The following ATP8A2 variants were observed in gnomAD, a reference collection of about 807,000 sequenced individuals.
ATP8A2 encodes ATPase phospholipid transporting 8A2.
In ATP8A2, 100 loss-of-function variants were observed where a neutral mutation model predicts 165.6. That is an observed-to-expected ratio of 0.60 (90% CI 0.51 to 0.71). The LOEUF is 0.71. ATP8A2 is among the 30% of genes least tolerant of loss of function. The pLI, the probability that ATP8A2 is intolerant of heterozygous loss-of-function variation, is 0.00. For synonymous variants in ATP8A2, 543 were observed against 548.8 expected (o/e 0.99, Z 0.15); for missense variants, 1,227 against 1,479.5 (o/e 0.83, Z 2.80).
At chr13:25,593,322 C>T (rs544067473) in intron 24 of ATP8A2, among the ~76,000 whole-genome samples, 1 of 151,946 alleles carries the variant, frequency 6.6e-6, no homozygotes, top group Non-Finnish European at 1.5e-5. Context: ...TGAGGGGATC[C>T]ACACCTGGCC....
At chr13:25,729,327 C>A (rs543270016) in intron 25 of ATP8A2, among the ~76,000 whole-genome samples, 14 of 152,316 alleles carry the variant, frequency 9.2e-5, no homozygotes, top group African/African-American at 3.4e-4. Context: ...CTCTGTCTCG[C>A]AGAGAACTAG....
intron 10 of ATP8A2, among the ~76,000 whole-genome samples, chr13:25,550,338 C>T (rs1439498872): frequency 1.3e-5 from 2 of 151,976 alleles, no homozygotes; most frequent in African/African-American, 4.8e-5. Flanking sequence ...CTCGCAGTGC[C>T]CCACAAGTAG....
Position 25,847,852 on chromosome 13 carries a change from C to G in ATP8A2, c.2956+8228C>G, listed in dbSNP as rs148304502. 3.9e-5 allele frequency among the ~76,000 whole-genome samples: 6 copies of G among 152,202 alleles called. No individual in the cohort carries two copies. The East Asian group carries it at 1.2e-3, about 30-fold the overall frequency. ...GACATACAAATCAACCAAGCCCGAG[C>G]CCACACCCCCAGCCACCTCCTTTAT... On this transcript the variant is annotated intron_variant, in intron 30 of 36. Transcript: ENST00000381655.
intron 10 of ATP8A2, among the ~76,000 whole-genome samples, chr13:25,546,071 T>A (rs9553628): frequency 0.019 from 505 of 26,448 alleles, 6 homozygotes; most frequent in Admixed American, 0.079. Flanking sequence ...TACACTGGGT[T>A]TTTTTTTTAA....
chr13:25,431,021 C>T lies in ATP8A2; in HGVS notation c.77-37956C>T, dbSNP rs564903792. On this transcript the variant is annotated intron_variant, in intron 1 of 36. Transcript: ENST00000381655. ...ACACACACACACACACATATATATA[C>T]ACACACACACACACATAATGGGTGT... Among the ~76,000 whole-genome samples, 102 of 146,976 alleles carry T rather than the reference C, an allele frequency of 6.9e-4. 1 individual carries two copies. Among genetic ancestry groups the T allele is most frequent in the African/African-American group, 8.3e-4 (32 of 38,534 alleles).
chr13:25,401,960 G>A (rs148390615), intron 1 of ATP8A2, among the ~76,000 whole-genome samples: 41 of 151,936 alleles, frequency 2.7e-4, no homozygotes, highest in African/African-American at 8.7e-4. Flanking sequence ...GGGCCCAAAC[G>A]ATCCTCCCTC....
intron 25 of ATP8A2, among the ~76,000 whole-genome samples, chr13:25,728,471 CT>C (rs1438636798): frequency 6.6e-6 from 1 of 152,200 alleles, no homozygotes; most frequent in African/African-American, 2.4e-5. Context: ...CTACACCAAG[CT>C]CCATCCACAT....
intron 24 of ATP8A2, among the ~76,000 whole-genome samples, chr13:25,684,081 T>C (rs1292673202): frequency 6.6e-6 from 1 of 152,236 alleles, no homozygotes. Context: ...ACAAAATTTC[T>C]AACGAATAAG....
intron 10 of ATP8A2, among the ~76,000 whole-genome samples, chr13:25,548,425 G>C (rs1343256088): frequency 6.6e-6 from 1 of 152,134 alleles, no homozygotes; most frequent in Non-Finnish European, 1.5e-5. Flanking sequence ...CCAGAATTCA[G>C]CCACTGAAAA....
At chr13:25,725,715 T>G (rs1347715530) in intron 25 of ATP8A2, among the ~76,000 whole-genome samples, 1 of 152,180 alleles carries the variant, frequency 6.6e-6, no homozygotes, top group African/African-American at 2.4e-5. Context: ...GACCCTGCCT[T>G]GTTGAATGCT....
rs564832389 is a variant in ATP8A2, at chr13:25,421,139, A to G, written c.77-47838A>G. Among the ~76,000 whole-genome samples the G allele has an allele frequency of 2.5e-4, 38 of 152,362 alleles. 4 individuals carry two copies. The South Asian group carries it at 5.8e-3, about 23-fold the overall frequency. ...TATTACTAATCACTTTGACATAGAA[A>G]GCACAGATTAAAAATCATTTCGCAT... On this transcript the variant is annotated intron_variant, in intron 1 of 36. Coordinates refer to ENST00000381655, the MANE Select transcript of ATP8A2 (RefSeq NM_016529.6).
intron 23 of ATP8A2, among the ~76,000 whole-genome samples, chr13:25,589,019 A>T (rs1311277344): frequency 2.0e-5 from 3 of 152,130 alleles, no homozygotes; most frequent in Admixed American, 6.5e-5. Context: ...AGAAAATACT[A>T]TCTCGCTTAA....
chr13:25,795,855 A>G (rs151224101), intron 27 of ATP8A2, among the ~76,000 whole-genome samples: 2 of 152,070 alleles, frequency 1.3e-5, no homozygotes, highest in Admixed American at 1.3e-4. Context: ...GAGAAGAACC[A>G]TCAAAACTTG....
At chr13:25,513,455 G>A (rs1200114323) in intron 2 of ATP8A2, among the ~76,000 whole-genome samples, 4 of 150,738 alleles carry the variant, frequency 2.7e-5, no homozygotes, top group Non-Finnish European at 5.9e-5. Flanking sequence ...CCGGGAAGAG[G>A]CGCTCCTCAC....
intron 27 of ATP8A2, among the ~76,000 whole-genome samples, chr13:25,777,341 TC>T (rs908077508): frequency 1.3e-5 from 2 of 152,214 alleles, no homozygotes; most frequent in Admixed American, 1.3e-4. Flanking sequence ...AACATGCACT[TC>T]AAATATAGTT....
At chr13:25,819,672 G>A (rs1159713208) in intron 27 of ATP8A2, among the ~76,000 whole-genome samples, 1 of 147,324 alleles carries the variant, frequency 6.8e-6, no homozygotes, top group East Asian at 2.0e-4. Context: ...TTTTTTGTCT[G>A]TGCTTTCTAT....
At chr13:25,982,094 T>A (rs1956180157) in intron 35 of ATP8A2, among the ~76,000 whole-genome samples, 1 of 152,214 alleles carries the variant, frequency 6.6e-6, no homozygotes, top group East Asian at 1.9e-4. Context: ...ATTTCTAGAA[T>A]GATGGTGGTT....
At chr13:25,827,355 G>A (rs1034837964) in intron 27 of ATP8A2, among the ~76,000 whole-genome samples, 9 of 152,190 alleles carry the variant, frequency 5.9e-5, no homozygotes, top group East Asian at 3.9e-4. Flanking sequence ...CAGGTGATCC[G>A]CCAACCTCGG....
chr13:25,925,388 G>C (rs1029030665), intron 33 of ATP8A2, among the ~76,000 whole-genome samples: 1 of 152,034 alleles, frequency 6.6e-6, no homozygotes, highest in African/African-American at 2.4e-5. Flanking sequence ...CAAAAAAGTA[G>C]CCGGGTGTGG....
Sources: gnomAD v4.1 joint callset for allele counts (sites outside exome capture counted in the v4.1 genomes callset) on GRCh38, gnomAD v4.1.1 for gene constraint, MANE v1.5 for transcripts, NCBI Gene and HGNC (gene_info 2026-07-23, HGNC 2026-07-21) for gene names.